The following MVB12B variants were observed in gnomAD, a reference collection of about 807,000 sequenced individuals.
MVB12B encodes the protein ESCRT-I complex subunit MVB12B.
Under a neutral mutation model 41.6 loss-of-function variants are expected in MVB12B, and 16 were observed. The observed-to-expected ratio is 0.38, with a 90% CI of 0.26 to 0.58. The LOEUF (loss-of-function observed/expected upper bound fraction) is 0.58. Among genes scored for constraint, MVB12B ranks in the 20% least tolerant of loss-of-function variants. The probability of loss-of-function intolerance (pLI) is 0.62; values close to 1 mark genes in which losing one functional copy is unlikely to be tolerated. For synonymous variants in MVB12B, 133 were observed against 139.7 expected (o/e 0.95, Z 0.34); for missense variants, 274 against 380.2 (o/e 0.72, Z 2.32).
chr9:126,467,792 A>G (rs928024495), intron 7 of MVB12B, among the ~76,000 whole-genome samples: 1 of 152,178 alleles, frequency 6.6e-6, no homozygotes, highest in African/African-American at 2.4e-5. Context: ...ACTTTCTGGC[A>G]CAACAAGATG....
At chr9:126,475,412 C>G (rs1383513118) in intron 7 of MVB12B, among the ~76,000 whole-genome samples, 1 of 152,152 alleles carries the variant, frequency 6.6e-6, no homozygotes, top group Non-Finnish European at 1.5e-5. Context: ...TCCACAGTAG[C>G]CAGCTGTATT....
Position 126,480,060 on chromosome 9 carries a change from A to T in MVB12B, c.758-1309A>T, listed in dbSNP as rs531528218. On this transcript the variant is annotated intron_variant, in intron 7 of 9. Transcript: ENST00000361171. This position sits in a 1 kb window ranked among gnomAD's most constrained non-coding sequence, Gnocchi z 4.9. ...CATCATTCCAGGAGACACTGGGGGA[A>T]GCAAAGATTGTTGGTCCCAGGAGCG... 2.0e-5 allele frequency among the ~76,000 whole-genome samples: 3 copies of T among 152,288 alleles called. No homozygotes were observed. The highest frequency in any genetic ancestry group is 3.9e-4 in the East Asian group (2 of 5,182).
Position 126,386,198 on chromosome 9 carries a change from T to C in MVB12B, c.313-364T>C, listed in dbSNP as rs1830786963. On this transcript the variant is annotated intron_variant, in intron 3 of 9. Coordinates refer to ENST00000361171, the MANE Select transcript of MVB12B (RefSeq NM_033446.3). The surrounding 1 kb of genome is among the most constrained non-coding windows in gnomAD (Gnocchi z 4.3). ...TACGAGTGCCTCAGGAATTTGCTCT[T>C]CCTAAAACCTCCTGGCCTTGAGATC... Among the ~76,000 whole-genome samples the C allele has an allele frequency of 6.6e-6, 1 of 152,166 alleles. No homozygotes were observed. The highest frequency in any genetic ancestry group is 2.4e-5 in the African/African-American group (1 of 41,434).
Position 126,367,009 on chromosome 9 carries a change from C to T in MVB12B, c.205-14055C>T, listed in dbSNP as rs923818861. On this transcript the variant is annotated intron_variant, in intron 2 of 9. Coordinates refer to ENST00000361171, the MANE Select transcript of MVB12B (RefSeq NM_033446.3). The surrounding 1 kb of genome is among the most constrained non-coding windows in gnomAD (Gnocchi z 4.3). Reference sequence around the variant, plus strand: ...CCTTCTTCTGAATGTTCCCACGAGACAGAGGCCAGAATCCTTCCAAGGCTT... The same window carrying T: ...CCTTCTTCTGAATGTTCCCACGAGATAGAGGCCAGAATCCTTCCAAGGCTT... 6.6e-6 allele frequency among the ~76,000 whole-genome samples: 1 copy of T among 152,180 alleles called. No individual in the cohort carries two copies. The highest frequency in any genetic ancestry group is 6.5e-5 in the Admixed American group (1 of 15,274).
rs553542282 is a variant in MVB12B, at chr9:126,367,205, G to A, written c.205-13859G>A. 1.3e-5 allele frequency among the ~76,000 whole-genome samples: 2 copies of A among 152,096 alleles called. No individual in the cohort carries two copies. Among genetic ancestry groups the A allele is most frequent in the African/African-American group, 2.4e-5 (1 of 41,500 alleles). ...TCGACTCCAGGTTTCTCCTATAAGCGCCACTCTGAGAATTTCTCCTTCCTG... is the reference window on the plus strand; with the variant it reads ...TCGACTCCAGGTTTCTCCTATAAGCACCACTCTGAGAATTTCTCCTTCCTG... On this transcript the variant is annotated intron_variant, in intron 2 of 9. Transcript: ENST00000361171. The surrounding 1 kb of genome is among the most constrained non-coding windows in gnomAD (Gnocchi z 4.3).
intron 1 of MVB12B, among the ~76,000 whole-genome samples, chr9:126,338,917 T>C (rs959111897): frequency 3.3e-5 from 5 of 152,204 alleles, no homozygotes; most frequent in African/African-American, 4.8e-5. Context: ...AAGCCCTGTG[T>C]TTTATGCAGA....
At chr9:126,399,930 G>A (rs930170942) in intron 6 of MVB12B, among the ~76,000 whole-genome samples, 1 of 152,176 alleles carries the variant, frequency 6.6e-6, no homozygotes, top group Non-Finnish European at 1.5e-5. Context: ...GGGCGCAGGC[G>A]GAGAGGGCCC....
intron 6 of MVB12B, among the ~76,000 whole-genome samples, chr9:126,407,406 A>G (rs932409562): frequency 5.9e-5 from 9 of 152,146 alleles, no homozygotes; most frequent in African/African-American, 2.2e-4. Context: ...GCTGGCCGGC[A>G]TTTCCTGTCA....
chr9:126,397,657 T>G lies in MVB12B; in HGVS notation c.662+1960T>G, dbSNP rs1445916209. Reference sequence around the variant, plus strand: ...TCCCAAGTTCTCCTGTGCGGTAATTTACAGGTAGGATGCACACCTATGTAA... The same window carrying G: ...TCCCAAGTTCTCCTGTGCGGTAATTGACAGGTAGGATGCACACCTATGTAA... On this transcript the variant is annotated intron_variant, in intron 6 of 9. Transcript: ENST00000361171. 6 of 985,012 alleles carry G rather than the reference T, an allele frequency of 6.1e-6. No individual in the cohort carries two copies. The African/African-American group carries it at 8.7e-5, about 14-fold the overall frequency. 61.0% of individuals were successfully genotyped at this position (985,012 alleles called of 1,614,324 possible).
chr9:126,463,082 G>C (rs745705678), intron 7 of MVB12B, among the ~76,000 whole-genome samples: 8 of 152,202 alleles, frequency 5.3e-5, no homozygotes, highest in Non-Finnish European at 4.4e-5. Flanking sequence ...CCACTGTCCT[G>C]CGGGCTGGTC....
At chr9:126,359,880 T>C (rs1399455779) in intron 2 of MVB12B, among the ~76,000 whole-genome samples, 1 of 152,200 alleles carries the variant, frequency 6.6e-6, no homozygotes, top group African/African-American at 2.4e-5. Context: ...ATTTAATCAA[T>C]CTTCTCAAAG....
intron 7 of MVB12B, among the ~76,000 whole-genome samples, chr9:126,446,212 TGTA>T (rs1375137222): frequency 6.6e-6 from 1 of 152,116 alleles, no homozygotes; most frequent in Non-Finnish European, 1.5e-5. Context: ...AATATTTTAA[TGTA>T]GTATAATATT....
chr9:126,368,186 T>G (rs960517427), intron 2 of MVB12B, among the ~76,000 whole-genome samples: 3 of 152,164 alleles, frequency 2.0e-5, no homozygotes, highest in African/African-American at 7.2e-5. Flanking sequence ...ACCTACTGTT[T>G]CCATTTATAG....
Position 126,370,721 on chromosome 9 carries a change from A to G in MVB12B, c.205-10343A>G, listed in dbSNP as rs571307040. Among the ~76,000 whole-genome samples, 12 of 151,956 alleles carry G rather than the reference A, an allele frequency of 7.9e-5. No individual in the cohort carries two copies. In the South Asian group the frequency reaches 1.7e-3, roughly 21 times the overall value. ...ATTTCCTTATTTTGGATGTTAATCT[A>G]TTGTCACTGTGCACTGCTCCCAGTC... On this transcript the variant is annotated intron_variant, in intron 2 of 9. Transcript: ENST00000361171.
At position 126,480,326 on chromosome 9, in the gene MVB12B, G is replaced by A. The variant is rs1052434089; in HGVS notation, c.758-1043G>A. Among the ~76,000 whole-genome samples, 4 of 152,304 alleles carry A rather than the reference G, an allele frequency of 2.6e-5. No individual in the cohort carries two copies. Among genetic ancestry groups the A allele is most frequent in the East Asian group, 1.9e-4 (1 of 5,180 alleles). On this transcript the variant is annotated intron_variant, in intron 7 of 9. Transcript: ENST00000361171. The surrounding 1 kb of genome is among the most constrained non-coding windows in gnomAD (Gnocchi z 4.9). ...GGCCCCTACCACTGTCCCAGCAGCC[G>A]CATGGCTGCCACGTTGGCTCTGTGA...
At chr9:126,445,801 GT>G (rs202153097) in intron 7 of MVB12B, among the ~76,000 whole-genome samples, 1 of 151,600 alleles carries the variant, frequency 6.6e-6, no homozygotes, top group Admixed American at 6.6e-5. Context: ...TGGCCCTGTT[GT>G]TTTTTTTAAT....
At chr9:126,455,133 C>A (rs1832955765) in intron 7 of MVB12B, among the ~76,000 whole-genome samples, 1 of 152,142 alleles carries the variant, frequency 6.6e-6, no homozygotes, top group African/African-American at 2.4e-5. Flanking sequence ...CCCAGTAAGA[C>A]CCTGCGAGCT....
intron 6 of MVB12B, chr9:126,408,204 A>C (rs183610974): frequency 1.3e-5 from 2 of 152,186 alleles, no homozygotes; most frequent in African/African-American, 2.4e-5. Flanking sequence ...TGCCGTCGCC[A>C]TGGTTGTGCG....
chr9:126,342,905 G>A (rs1256045635), intron 2 of MVB12B, among the ~76,000 whole-genome samples: 2 of 152,186 alleles, frequency 1.3e-5, no homozygotes, highest in Admixed American at 6.5e-5. Flanking sequence ...GCCCTGCTGC[G>A]GATTGGGCCG....
Sources: gnomAD v4.1 joint callset for allele counts (sites outside exome capture counted in the v4.1 genomes callset) on GRCh38, gnomAD v4.1.1 for gene constraint, Gnocchi (gnomAD v3.1) non-coding constraint, MANE v1.5 for transcripts, NCBI Gene and HGNC (gene_info 2026-07-23, HGNC 2026-07-21) for gene names.